The following SAGE1 variants were observed in gnomAD, a reference collection of about 807,000 sequenced individuals.
SAGE1 encodes the protein sarcoma antigen 1, also known as cancer/testis antigen 14.
In SAGE1, 55 loss-of-function variants were observed where a neutral mutation model predicts 55.4. The ratio of observed to expected loss-of-function variants is 0.99; its 90% CI spans 0.80 to 1.24. The LOEUF (loss-of-function observed/expected upper bound fraction) is 1.24. SAGE1 is among the 50% of genes most tolerant of loss of function. The pLI is 0.00. For missense variants in SAGE1, 710 were observed against 704.4 expected, an observed-to-expected ratio of 1.01 and a Z score of -0.09; for synonymous variants, 240 against 244.3, an observed-to-expected ratio of 0.98 and a Z score of 0.17.
intron 7 of SAGE1, 139 bp from the exon 8 acceptor site, chrX:135,906,787 T>G: frequency 2.1e-6 from 2 of 942,165 alleles, no homozygotes; most frequent in Non-Finnish European, 2.9e-6. Context: ...GGCCTCAATT[T>G]CAGGGGTCTC....
At chrX:135,894,207 G>A (rs781883444) in intron 1 of SAGE1, among the ~76,000 whole-genome samples, 15 of 112,067 alleles carry the variant, frequency 1.3e-4, no homozygotes, top group African/African-American at 4.2e-4. Flanking sequence ...CAAATAGCTG[G>A]GATTACAGGC....
chrX:135,903,954 TG>T (rs1255773917), intron 3 of SAGE1, among the ~76,000 whole-genome samples: 3 of 112,300 alleles, frequency 2.7e-5, no homozygotes, highest in Non-Finnish European at 5.6e-5. Flanking sequence ...GATTTCCACG[TG>T]GTAAATCCTT....
At chrX:135,909,994 T>C in intron 14 of SAGE1, 36 bp from the exon 15 acceptor site, 1 of 1,190,687 alleles carries the variant, frequency 8.4e-7, no homozygotes, top group Admixed American at 2.2e-5. Flanking sequence ...CATAATGCAC[T>C]TAACTCAAAA....
intron 1 of SAGE1, among the ~76,000 whole-genome samples, chrX:135,895,436 G>A (rs2088570866): frequency 8.9e-6 from 1 of 112,232 alleles, no homozygotes; most frequent in African/African-American, 3.2e-5. Flanking sequence ...TGTACACCAA[G>A]TTTGTGTGTA....
In SAGE1 at chrX:135,906,852, C is replaced by A. The variant is rs782263432; in HGVS notation, c.737-74C>A. 5.2e-5 allele frequency: 56 copies of A among 1,068,666 alleles called. No individual in the cohort carries two copies. The African/African-American group carries it at 9.9e-4, about 19-fold the overall frequency. 88.1% of individuals were successfully genotyped at this position (1,068,666 alleles called of 1,213,427 possible). ...ATGAGATAATTTCCTAGAAACTGAG[C>A]ATCAGAGGGATATACCTGTGGGGTT... On this transcript the variant is annotated intron_variant, in intron 7 of 19. Coordinates refer to ENST00000370709, the MANE Select transcript of SAGE1 (RefSeq NM_001381902.1).
Position 135,911,900 on chromosome X carries a change from T to A in SAGE1, c.2468T>A (p.Ile823Asn). ...ATATCTCCTGCCATGGCAAAGAAAA[T>A]TAATGATGATATAAAATATCAATTA... is the stretch of plus-strand genomic sequence containing the variant. ...PQISPAMAKKINDDIKYQLMK... is the reference protein window; with the variant it reads ...PQISPAMAKKNNDDIKYQLMK... Residue 823 changes from isoleucine (I) to asparagine (N), a missense_variant, in exon 18 of 20, where the codon ATT (isoleucine) becomes AAT (asparagine). Transcript: ENST00000370709. The A allele has an allele frequency of 8.3e-6, 10 of 1,210,042 alleles. No homozygotes were observed. Among genetic ancestry groups the A allele is most frequent in the Non-Finnish European group, 1.1e-5 (10 of 894,178 alleles).
intron 5 of SAGE1, among the ~76,000 whole-genome samples, chrX:135,905,797 T>C (rs2088776088): frequency 8.9e-6 from 1 of 112,228 alleles, no homozygotes; most frequent in South Asian, 3.7e-4. Context: ...GTTTACTAGT[T>C]GTACTGACCT....
chrX:135,911,112 A>G, intron 16 of SAGE1, 80 bp from the exon 17 acceptor site: 1 of 1,046,126 alleles, frequency 9.6e-7, no homozygotes, highest in Non-Finnish European at 1.3e-6. Context: ...CGTCCTGGAA[A>G]CTGAGCATCA....
Position 135,909,642 on chromosome X carries a change from C to A in SAGE1, c.1586C>A (p.Ala529Asp). ...AACCTCTTTATTTGGTTTCCAGATG[C>A]TACCGTCACTCAAAATGTCCATGAA... ...IPSMSTKDLY[A>D]TVTQNVHEER... The change falls in exon 14 of 20, where the codon GCT becomes GAT. Residue 529 changes from alanine (A) to aspartate (D), a missense_variant. Transcript: ENST00000370709. 2.5e-6 allele frequency: 3 copies of A among 1,199,884 alleles called. No homozygotes were observed.
At chrX:135,895,137 A>T (rs2088565006) in intron 1 of SAGE1, among the ~76,000 whole-genome samples, 1 of 111,532 alleles carries the variant, frequency 9.0e-6, no homozygotes, top group African/African-American at 3.3e-5. Flanking sequence ...TGGAAATAGA[A>T]TCTTAGAGTG....
Position 135,900,448 on chromosome X carries a change from GT to G in SAGE1, c.88-1102del, listed in dbSNP as rs200195081. ...TGTTCATCAGGAATACTGGCCTGAA[GT>G]TTTTTTTTGTTGTATCTCTGCCAGG... On this transcript the variant is annotated intron_variant, in intron 2 of 19. Transcript: ENST00000370709. 4.4e-3 allele frequency among the ~76,000 whole-genome samples: 487 copies of G among 110,044 alleles called. 3 individuals are homozygous for G. The highest frequency in any genetic ancestry group is 0.014 in the African/African-American group (416 of 30,295).
At position 135,907,881 on chromosome X, in the gene SAGE1, C is replaced by T. The variant is rs1556603056; in HGVS notation, c.1159+40C>T. The stretch of plus-strand genomic sequence containing the variant: ...TAGTTGTGGTGTCCTACTTGGTTTC[C>T]ATATGCATGCATATTGTCATCAAGG... On this transcript the variant is annotated intron_variant, in intron 10 of 19. Transcript: ENST00000370709. 4 of 1,130,529 alleles carry T rather than the reference C, an allele frequency of 3.5e-6. No homozygotes were observed. In the South Asian group the frequency reaches 7.5e-5, roughly 21 times the overall value. The allele number at this position is 1,130,529 out of a possible 1,213,427, so 93.2% of individuals were successfully genotyped here.
intron 17 of SAGE1, 46 bp from the exon 18 acceptor site, chrX:135,911,532 AC>A: frequency 1.5e-5 from 15 of 993,427 alleles, no homozygotes; most frequent in Non-Finnish European, 2.1e-5. Flanking sequence ...TGTGGGGGTG[AC>A]ATAATGCACT....
intron 5 of SAGE1, 118 bp downstream of exon 5, chrX:135,905,510 C>A: frequency 1.5e-6 from 1 of 665,115 alleles, no homozygotes; most frequent in Non-Finnish European, 2.2e-6. Context: ...TGAGGGGTCT[C>A]AGATGGCCAC....
intron 19 of SAGE1, 30 bp from the exon 20 acceptor site, chrX:135,912,768 C>G: frequency 1.7e-6 from 2 of 1,196,630 alleles, no homozygotes; most frequent in Non-Finnish European, 2.3e-6. Flanking sequence ...TAGGTATCCT[C>G]TGGTGAATGG....
chrX:135,910,810 A>G (rs1389296830), intron 16 of SAGE1, among the ~76,000 whole-genome samples: 2 of 111,008 alleles, frequency 1.8e-5, no homozygotes, highest in Non-Finnish European at 3.8e-5. Flanking sequence ...TCCAAATGCA[A>G]CCGTTACTCA....
Position 135,904,562 on chromosome X carries a change from A to G in SAGE1, c.306A>G (p.Pro102=), listed in dbSNP as rs782576407. The change falls in exon 4 of 20, where the codon CCA becomes CCG. Residue 102 remains proline, a synonymous_variant. Transcript: ENST00000370709. ...ATAATGTCTTGTCAACTGCTCCACC[A>G]TGGCCTGGTAATATGGCAGCAGCAG... ...VADNVLSTAP[P]WPDATIAHNI... The G allele has an allele frequency of 6.0e-6, 7 of 1,163,689 alleles. No homozygotes were observed. The highest frequency in any genetic ancestry group is 3.0e-5 in the East Asian group (1 of 33,427).
At chrX:135,899,228 A>G (rs1479830967) in intron 2 of SAGE1, among the ~76,000 whole-genome samples, 2 of 112,003 alleles carry the variant, frequency 1.8e-5, no homozygotes, top group Non-Finnish European at 3.8e-5. Context: ...CAGTTCTCCC[A>G]GCACCATTAA....
intron 2 of SAGE1, 113 bp from the exon 3 acceptor site, chrX:135,901,446 G>T: frequency 5.2e-6 from 4 of 771,337 alleles, no homozygotes; most frequent in Non-Finnish European, 5.6e-6. Context: ...TTTGACCTGT[G>T]ACTAAAACTT....
Sources: gnomAD v4.1 joint callset for allele counts (sites outside exome capture counted in the v4.1 genomes callset) on GRCh38, gnomAD v4.1.1 for gene constraint, MANE v1.5 for transcripts, NCBI Gene and HGNC (gene_info 2026-07-23, HGNC 2026-07-21) for gene names.